Variants in ADAMTSL1 observed in about 807,000 individuals in gnomAD.
The protein encoded by ADAMTSL1 is ADAMTS-like protein 1.
A neutral mutation model predicts 201.8 loss-of-function variants in ADAMTSL1; 126 were observed. The ratio of observed to expected loss-of-function variants is 0.62; its 90% CI spans 0.54 to 0.72. The LOEUF (loss-of-function observed/expected upper bound fraction) is 0.72, where lower values mean the gene tolerates loss of function less well. ADAMTSL1 is among the 30% of genes least tolerant of loss of function. ADAMTSL1 has a pLI of 0.00. For missense variants in ADAMTSL1, 2,679 were observed against 2,277.8 expected (o/e 1.18, Z -3.59); for synonymous variants, 1,121 against 903.4 (o/e 1.24, Z -4.32).
intron 2 of ADAMTSL1, among the ~76,000 whole-genome samples, chr9:18,184,643 A>T (rs542919426): frequency 6.6e-6 from 1 of 152,186 alleles, no homozygotes; most frequent in Non-Finnish European, 1.5e-5. Context: ...TTAGCCAGAG[A>T]TTCCCTCAAT....
chr9:18,168,374 T>A, intron 2 of ADAMTSL1, among the ~76,000 whole-genome samples: 1 of 151,974 alleles, frequency 6.6e-6, no homozygotes, highest in Admixed American at 6.6e-5. Context: ...GAACATGCGG[T>A]GTTTGGTTTT....
At chr9:17,907,805 G>T (rs1287524318) in intron 1 of ADAMTSL1, among the ~76,000 whole-genome samples, 1 of 152,078 alleles carries the variant, frequency 6.6e-6, no homozygotes, top group African/African-American at 2.4e-5. Flanking sequence ...CCAGACTCAG[G>T]TTAACTATTG....
chr9:18,806,173 TACTA>T (rs1480818770), intron 20 of ADAMTSL1, among the ~76,000 whole-genome samples: 10 of 152,242 alleles, frequency 6.6e-5, no homozygotes, highest in Non-Finnish European at 1.3e-4. Flanking sequence ...AAATGGCACT[TACTA>T]ACTGTTACAG....
chr9:18,034,143 A>G (rs1417673335), intron 1 of ADAMTSL1, among the ~76,000 whole-genome samples: 2 of 152,092 alleles, frequency 1.3e-5, no homozygotes, highest in African/African-American at 2.4e-5. Flanking sequence ...CCTTAAAACA[A>G]TCATAAAAAC....
At chr9:18,253,423 CTAGT>C (rs1831544964) in intron 2 of ADAMTSL1, among the ~76,000 whole-genome samples, 1 of 152,192 alleles carries the variant, frequency 6.6e-6, no homozygotes, top group Non-Finnish European at 1.5e-5. Context: ...ATAATTCTAA[CTAGT>C]TGTCTAATTT....
intron 16 of ADAMTSL1, among the ~76,000 whole-genome samples, chr9:18,758,519 G>T (rs1011458717): frequency 1.3e-5 from 2 of 152,290 alleles, no homozygotes; most frequent in East Asian, 3.9e-4. Context: ...CAAGGGGAGG[G>T]TCTCTTTGTC....
intron 20 of ADAMTSL1, among the ~76,000 whole-genome samples, chr9:18,814,513 TCAA>T (rs964697899): frequency 1.3e-5 from 2 of 151,992 alleles, no homozygotes; most frequent in African/African-American, 4.8e-5. Flanking sequence ...CTCCGACAAC[TCAA>T]CAACAACAAA....
intron 2 of ADAMTSL1, among the ~76,000 whole-genome samples, chr9:18,241,191 C>T (rs186399499): frequency 1.1e-4 from 16 of 152,242 alleles, no homozygotes; most frequent in Admixed American, 2.6e-4. Flanking sequence ...ACATGTCTTC[C>T]TCACTAAGGT....
intron 23 of ADAMTSL1, among the ~76,000 whole-genome samples, chr9:18,848,631 G>T (rs1826284204): frequency 6.6e-6 from 1 of 152,104 alleles, no homozygotes. Context: ...CAGCCTCTTG[G>T]AGCACCCCAG....
At chr9:18,751,266 T>C (rs1307100121) in intron 15 of ADAMTSL1, among the ~76,000 whole-genome samples, 1 of 152,244 alleles carries the variant, frequency 6.6e-6, no homozygotes, top group Non-Finnish European at 1.5e-5. Flanking sequence ...CCAGCTTCTC[T>C]TCTTCTATTC....
intron 1 of ADAMTSL1, among the ~76,000 whole-genome samples, chr9:18,133,297 G>T (rs555763679): frequency 6.6e-6 from 1 of 152,016 alleles, no homozygotes; most frequent in Non-Finnish European, 1.5e-5. Flanking sequence ...CGGCAGTGAG[G>T]GGTCACCTCA....
At chr9:18,419,885 A>G (rs1406523011) in intron 2 of ADAMTSL1, among the ~76,000 whole-genome samples, 2 of 151,992 alleles carry the variant, frequency 1.3e-5, no homozygotes. Flanking sequence ...GCACGCCACT[A>G]CACCCAACTT....
chr9:18,805,846 T>A (rs953041777), intron 20 of ADAMTSL1, among the ~76,000 whole-genome samples: 1 of 152,230 alleles, frequency 6.6e-6, no homozygotes, highest in African/African-American at 2.4e-5. Flanking sequence ...GTGGGCCCTT[T>A]CTGAAGCTCT....
chr9:18,680,717 C>G (rs1428881590), intron 11 of ADAMTSL1: 6 of 584,230 alleles, frequency 1.0e-5, no homozygotes. Context: ...TGTCTTTCTT[C>G]AAGTTTCTTC....
At chr9:18,408,403 A>C (rs986723628) in intron 2 of ADAMTSL1, among the ~76,000 whole-genome samples, 6 of 152,080 alleles carry the variant, frequency 3.9e-5, no homozygotes, top group African/African-American at 1.2e-4. Context: ...CCCAGGAGAC[A>C]GAGGTTGCAG....
intron 1 of ADAMTSL1, among the ~76,000 whole-genome samples, chr9:17,964,097 T>A (rs1334477093): frequency 6.6e-6 from 1 of 152,138 alleles, no homozygotes; most frequent in Non-Finnish European, 1.5e-5. Flanking sequence ...CCACCTGCTG[T>A]TTGAAGATTG....
chr9:18,765,120 C>A (rs1820287842), intron 16 of ADAMTSL1, among the ~76,000 whole-genome samples: 1 of 152,212 alleles, frequency 6.6e-6, no homozygotes, highest in South Asian at 2.1e-4. Context: ...AATCTGAGAA[C>A]TGTTCTTATT....
intron 2 of ADAMTSL1, among the ~76,000 whole-genome samples, chr9:18,401,827 G>A (rs563736723): frequency 6.6e-6 from 1 of 152,264 alleles, no homozygotes; most frequent in Admixed American, 6.5e-5. Flanking sequence ...CTGTGCTTCT[G>A]ATATGCTTCC....
At chr9:18,560,986 T>G (rs553766549) in intron 3 of ADAMTSL1, among the ~76,000 whole-genome samples, 71 of 152,130 alleles carry the variant, frequency 4.7e-4, no homozygotes, top group African/African-American at 1.7e-3. Flanking sequence ...TTTGAAGGGT[T>G]TTTTATGTCT....
Sources: gnomAD v4.1 joint callset for allele counts (sites outside exome capture counted in the v4.1 genomes callset) on GRCh38, gnomAD v4.1.1 for gene constraint, MANE v1.5 for transcripts, NCBI Gene and HGNC (gene_info 2026-07-23, HGNC 2026-07-21) for gene names.